Variants in ERICH6 observed in about 807,000 individuals in gnomAD.
ERICH6 encodes glutamate-rich protein 6.
ERICH6 carries 71 observed loss-of-function variants against 71.0 expected under a neutral mutation model. The ratio of observed to expected loss-of-function variants is 1.00; its 90% CI spans 0.83 to 1.22. The LOEUF is 1.22. Ranked by LOEUF, ERICH6 falls within the 50% of genes most tolerant of loss-of-function variation. The pLI is 0.00. For synonymous variants in ERICH6, 262 were observed against 278.4 expected, an observed-to-expected ratio of 0.94 and a Z score of 0.59; for missense variants, 808 against 797.2, an observed-to-expected ratio of 1.01 and a Z score of -0.16.
chr3:150,664,169 A>C (rs1006103650), intron 13 of ERICH6, among the ~76,000 whole-genome samples: 6 of 152,178 alleles, frequency 3.9e-5, no homozygotes, highest in Non-Finnish European at 5.9e-5. Flanking sequence ...AGAGATCATC[A>C]GTGTTTAATG....
intron 3 of ERICH6, among the ~76,000 whole-genome samples, chr3:150,691,900 CAAAAT>C (rs1712450802): frequency 1.3e-5 from 2 of 151,996 alleles, no homozygotes; most frequent in East Asian, 3.9e-4. Context: ...AGATGTCAAT[CAAAAT>C]AAACTGCATT....
rs758384548 is a variant in ERICH6 at position 150,659,914 on chromosome 3, TTTC to T, written c.1967_1969del (p.Arg656del). 2 of 1,603,528 alleles carry T rather than the reference TTTC, an allele frequency of 1.2e-6. No homozygotes were observed. The highest frequency in any genetic ancestry group is 1.7e-5 in the Admixed American group (1 of 58,766). On this transcript the variant is annotated inframe_deletion, in exon 14 of 14. Coordinates refer to ENST00000295910, the MANE Select transcript of ERICH6 (RefSeq NM_152394.5). ...TAGTTAAATTTCTTCATTTATTATA[TTTC>T]TTATTGTCTTCATTATATCTTGCTT...
Position 150,703,739 on chromosome 3 carries a change from C to CTT in ERICH6, c.159_160insAA (p.Glu54LysfsTer46). The CTT allele has an allele frequency of 6.3e-7, 1 of 1,589,956 alleles. No individual in the cohort carries two copies. Among genetic ancestry groups the CTT allele is most frequent in the East Asian group, 2.3e-5 (1 of 44,306 alleles). The stretch of plus-strand genomic sequence containing the variant: ...CCCACCAACTCCTCCTCCACCACCT[C>CTT]CTCCTCCTCCTCCTCCACCTCTTCC... On this transcript the variant is annotated frameshift_variant, in exon 1 of 14. Transcript: ENST00000295910. LOFTEE classifies it high-confidence loss of function.
chr3:150,674,285 T>A (rs1711567807), intron 10 of ERICH6, among the ~76,000 whole-genome samples: 1 of 141,812 alleles, frequency 7.1e-6, no homozygotes, highest in South Asian at 2.2e-4. Context: ...TCTATTTTAA[T>A]TTTTTTTTTT....
At chr3:150,679,210 A>G (rs1358675382) in intron 9 of ERICH6, among the ~76,000 whole-genome samples, 1 of 151,770 alleles carries the variant, frequency 6.6e-6, no homozygotes, top group Non-Finnish European at 1.5e-5. Flanking sequence ...TGGCAGTTCA[A>G]CTTTTATTTT....
intron 3 of ERICH6, among the ~76,000 whole-genome samples, chr3:150,689,105 A>G (rs1311188990): frequency 6.6e-6 from 1 of 152,158 alleles, no homozygotes; most frequent in East Asian, 1.9e-4. Context: ...CAATAGGACA[A>G]TTTGCTGAGG....
At chr3:150,668,512 T>G (rs114357370) in intron 12 of ERICH6, among the ~76,000 whole-genome samples, 3,134 of 152,246 alleles carry the variant, frequency 0.021, 47 homozygotes, top group Middle Eastern at 0.048. Context: ...AGTAGAAAGT[T>G]TCCAATATAC....
chr3:150,663,561 C>T (rs1388866544), intron 13 of ERICH6, among the ~76,000 whole-genome samples: 1 of 152,132 alleles, frequency 6.6e-6, no homozygotes, highest in East Asian at 1.9e-4. Context: ...CCCACCCCGC[C>T]AATGGTGGGC....
chr3:150,678,115 G>A (rs1451448902), intron 10 of ERICH6, among the ~76,000 whole-genome samples: 3 of 152,134 alleles, frequency 2.0e-5, no homozygotes, highest in Non-Finnish European at 2.9e-5. Flanking sequence ...AAATATTAAT[G>A]TTTTGGGAGA....
intron 12 of ERICH6, among the ~76,000 whole-genome samples, chr3:150,667,328 G>A (rs898381912): frequency 4.9e-5 from 6 of 122,546 alleles, no homozygotes; most frequent in African/African-American, 1.7e-4. Flanking sequence ...ATACAGAAGA[G>A]TAGATTAATC....
chr3:150,678,169 T>C (rs1320170653), intron 10 of ERICH6, among the ~76,000 whole-genome samples: 1 of 152,212 alleles, frequency 6.6e-6, no homozygotes, highest in Non-Finnish European at 1.5e-5. Context: ...CCTTTTAATT[T>C]TCTAAGGGTT....
chr3:150,670,074 A>T (rs1457486473), intron 11 of ERICH6, among the ~76,000 whole-genome samples: 1 of 152,100 alleles, frequency 6.6e-6, no homozygotes, highest in African/African-American at 2.4e-5. Flanking sequence ...TTTTTAATTT[A>T]AAAAAACCCA....
intron 11 of ERICH6, among the ~76,000 whole-genome samples, chr3:150,672,694 A>T (rs1382703845): frequency 6.7e-6 from 1 of 148,768 alleles, no homozygotes; most frequent in East Asian, 2.0e-4. Context: ...GGGCTACTCC[A>T]TAGGAATTGT....
chr3:150,684,795 T>TC (rs375951838), intron 6 of ERICH6, among the ~76,000 whole-genome samples: 25 of 152,142 alleles, frequency 1.6e-4, no homozygotes, highest in African/African-American at 5.5e-4. Flanking sequence ...TTTCTTTCTT[T>TC]TTTTTTTAAT....
At chr3:150,662,309 T>C (rs1727253594) in intron 13 of ERICH6, among the ~76,000 whole-genome samples, 1 of 152,180 alleles carries the variant, frequency 6.6e-6, no homozygotes, top group Non-Finnish European at 1.5e-5. Context: ...CTTCAAAATA[T>C]ATACGGCAAA....
intron 12 of ERICH6, among the ~76,000 whole-genome samples, chr3:150,667,512 G>T (rs1283407120): frequency 1.3e-5 from 2 of 152,168 alleles, no homozygotes; most frequent in East Asian, 3.8e-4. Context: ...GGCTGAATGT[G>T]GGGGCAGAGG....
intron 9 of ERICH6, 31 bp downstream of exon 9, chr3:150,680,437 T>C (rs1247960330): frequency 1.2e-6 from 2 of 1,602,372 alleles, no homozygotes; most frequent in Admixed American, 1.7e-5. Flanking sequence ...GTTGTACAGC[T>C]GGTCTATAAG....
At chr3:150,684,155 G>A (rs751450343) in intron 6 of ERICH6, among the ~76,000 whole-genome samples, 3 of 152,156 alleles carry the variant, frequency 2.0e-5, no homozygotes, top group Admixed American at 1.3e-4. Flanking sequence ...GGGAGGCCAG[G>A]GTAGGGATAT....
At chr3:150,673,089 C>CTCCTTCCT (rs377475684) in intron 11 of ERICH6, among the ~76,000 whole-genome samples, 8 of 150,584 alleles carry the variant, frequency 5.3e-5, no homozygotes, top group African/African-American at 2.0e-4. Flanking sequence ...AGGGTAGTCT[C>CTCCTTCCT]TCCTTCCTTC....
Sources: gnomAD v4.1 joint callset for allele counts (sites outside exome capture counted in the v4.1 genomes callset) on GRCh38, gnomAD v4.1.1 for gene constraint, MANE v1.5 for transcripts, NCBI Gene and HGNC (gene_info 2026-07-23, HGNC 2026-07-21) for gene names.